Variants in ODAD2 observed in about 807,000 individuals in gnomAD.
ODAD2 encodes outer dynein arm-docking complex subunit 2.
Under a neutral mutation model 106.8 loss-of-function variants are expected in ODAD2, and 89 were observed. That is an observed-to-expected ratio of 0.83 (90% CI 0.70 to 0.99). The LOEUF (loss-of-function observed/expected upper bound fraction) is 0.99, where lower values mean the gene tolerates loss of function less well. Among genes scored for constraint, ODAD2 ranks in the 50% least tolerant of loss-of-function variants. ODAD2 has a pLI of 0.00. For synonymous variants in ODAD2, 404 were observed against 436.2 expected (o/e 0.93, Z 0.92); for missense variants, 1,168 against 1,238.5 (o/e 0.94, Z 0.85).
chr10:27,907,850 A>AT, intron 16 of ODAD2, 73 bp from the exon 17 acceptor site: 1 of 1,004,622 alleles, frequency 1.0e-6, no homozygotes, highest in Non-Finnish European at 1.5e-6. Context: ...TGACCCACTT[A>AT]TTTAATTATT....
At position 27,910,846 on chromosome 10, in the gene ODAD2, CT is replaced by C. The variant is rs1442047376; in HGVS notation, c.2496-3070del. Among the ~76,000 whole-genome samples the C allele has an allele frequency of 6.6e-5, 10 of 152,264 alleles. No homozygotes were observed. The East Asian group carries it at 1.9e-3, about 29-fold the overall frequency. On this transcript the variant is annotated intron_variant, in intron 16 of 19. Coordinates refer to ENST00000305242, the MANE Select transcript of ODAD2 (RefSeq NM_018076.5). Reference sequence around the variant, plus strand: ...TATGTTCTATCAAGTCAGTGCAAACCTTTGATGAACAAATAGTGAACTACCC... The same window carrying C: ...TATGTTCTATCAAGTCAGTGCAAACCTTGATGAACAAATAGTGAACTACCC...
chr10:27,964,657 C>G (rs1046795013), intron 9 of ODAD2, among the ~76,000 whole-genome samples: 1 of 152,160 alleles, frequency 6.6e-6, no homozygotes, highest in Non-Finnish European at 1.5e-5. Flanking sequence ...AGGTTTTTGT[C>G]TTTACCTCGA....
intron 18 of ODAD2, 123 bp from the exon 19 acceptor site, chr10:27,860,969 G>A (rs958907791): frequency 3.9e-6 from 3 of 770,302 alleles, no homozygotes; most frequent in Non-Finnish European, 6.4e-6. Flanking sequence ...GGGCTAGCTG[G>A]CTGACTACCT....
intron 10 of ODAD2, chr10:27,957,051 C>A (rs1847785477): frequency 6.6e-6 from 1 of 152,118 alleles, no homozygotes. Context: ...AGCCTAGAGA[C>A]ATTAACAAAC....
chr10:27,979,775 G>C (rs1849428704), intron 7 of ODAD2, among the ~76,000 whole-genome samples: 1 of 152,128 alleles, frequency 6.6e-6, no homozygotes, highest in African/African-American at 2.4e-5. Context: ...ATATGGTTAA[G>C]ATGGCAATAC....
chr10:27,930,653 G>C (rs911244904), intron 16 of ODAD2, among the ~76,000 whole-genome samples: 6 of 150,672 alleles, frequency 4.0e-5, no homozygotes, highest in Non-Finnish European at 8.9e-5. Flanking sequence ...AAAAGAAAAA[G>C]GCAAACAAAA....
chr10:27,974,621 G>A (rs532502824), intron 7 of ODAD2, among the ~76,000 whole-genome samples: 6 of 150,470 alleles, frequency 4.0e-5, no homozygotes, highest in East Asian at 1.9e-4. Context: ...ATGTTGTTTC[G>A]GTTACTGTAG....
intron 17 of ODAD2, among the ~76,000 whole-genome samples, chr10:27,882,234 A>AAAGAAAGAAAGC (rs1564461626): frequency 1.4e-5 from 2 of 144,892 alleles, no homozygotes; most frequent in African/African-American, 4.9e-5. Context: ...AGAAAGAAAG[A>AAAGAAAGAAAGC]AATATGAACT....
At chr10:27,910,013 A>G (rs562965347) in intron 16 of ODAD2, among the ~76,000 whole-genome samples, 1 of 152,180 alleles carries the variant, frequency 6.6e-6, no homozygotes, top group African/African-American at 2.4e-5. Flanking sequence ...TTACTTCACA[A>G]TGACTCAAGT....
intron 19 of ODAD2, among the ~76,000 whole-genome samples, chr10:27,825,329 C>T (rs867128667): frequency 3.5e-4 from 53 of 152,146 alleles, no homozygotes; most frequent in African/African-American, 1.1e-3. Context: ...TGCAGCCTAG[C>T]GAAAACAAAA....
Position 27,995,158 on chromosome 10 carries a change from C to G in ODAD2, c.-16G>C, listed in dbSNP as rs770097987. ...CCACACCCATGGGATCCACCGTGCT[C>G]AGACCTGAGCTTAGCACACGCACTA... is the stretch of plus-strand genomic sequence containing the variant. On this transcript the variant is annotated 5_prime_UTR_variant, in exon 2 of 20. Coordinates refer to ENST00000305242, the MANE Select transcript of ODAD2 (RefSeq NM_018076.5). 1.2e-5 allele frequency: 20 copies of G among 1,613,960 alleles called. No individual in the cohort carries two copies. The highest frequency in any genetic ancestry group is 1.7e-5 in the Non-Finnish European group (20 of 1,179,928).
intron 17 of ODAD2, among the ~76,000 whole-genome samples, chr10:27,894,410 G>A (rs974851259): frequency 2.6e-5 from 4 of 151,400 alleles, no homozygotes; most frequent in Admixed American, 6.6e-5. Flanking sequence ...GCAGTTGATC[G>A]TAAAATAAAC....
chr10:27,951,284 C>G (rs1847309952), intron 10 of ODAD2, among the ~76,000 whole-genome samples: 1 of 152,080 alleles, frequency 6.6e-6, no homozygotes, highest in Non-Finnish European at 1.5e-5. Flanking sequence ...TAAAGATGAT[C>G]TAGAATGAAA....
intron 11 of ODAD2, 96 bp from the exon 12 acceptor site, chr10:27,944,527 T>G: frequency 8.7e-7 from 1 of 1,147,902 alleles, no homozygotes; most frequent in Non-Finnish European, 1.2e-6. Flanking sequence ...CAGTTAAGTT[T>G]TTTAAGAAAT....
intron 17 of ODAD2, among the ~76,000 whole-genome samples, chr10:27,872,887 G>A (rs1841016205): frequency 6.6e-6 from 1 of 152,140 alleles, no homozygotes. Context: ...AGTTAGAGAG[G>A]ATTCCCTCTT....
chr10:27,941,478 C>T lies in ODAD2; in HGVS notation c.1744-673G>A, dbSNP rs150866608. ...CCAGCCTGGGCAACAAAGCAAGATC[C>T]TGCCCCCCGAACCAAAAAAAAGAAA... On this transcript the variant is annotated intron_variant, in intron 12 of 19. Transcript: ENST00000305242. Among the ~76,000 whole-genome samples, 19 of 144,736 alleles carry T rather than the reference C, an allele frequency of 1.3e-4. No individual in the cohort carries two copies. In the East Asian group the frequency reaches 3.3e-3, roughly 25 times the overall value. The allele number at this position is 144,736 out of a possible 152,430, so 95.0% of individuals were successfully genotyped here.
intron 16 of ODAD2, among the ~76,000 whole-genome samples, chr10:27,908,763 G>A (rs79015389): frequency 2.6e-5 from 4 of 151,630 alleles, no homozygotes; most frequent in Admixed American, 2.0e-4. Flanking sequence ...TACCAGGGGG[G>A]AAAAATGTAT....
chr10:27,975,595 A>T (rs1849139035), intron 7 of ODAD2, among the ~76,000 whole-genome samples: 1 of 152,196 alleles, frequency 6.6e-6, no homozygotes, highest in Non-Finnish European at 1.5e-5. Flanking sequence ...AGAAACAGAC[A>T]ACCTGTATAC....
At chr10:27,909,850 A>T (rs1396981888) in intron 16 of ODAD2, among the ~76,000 whole-genome samples, 1 of 150,252 alleles carries the variant, frequency 6.7e-6, no homozygotes. Context: ...AAAGACTCAG[A>T]ACACTACGGA....
Sources: gnomAD v4.1 joint callset for allele counts (sites outside exome capture counted in the v4.1 genomes callset) on GRCh38, gnomAD v4.1.1 for gene constraint, MANE v1.5 for transcripts, NCBI Gene and HGNC (gene_info 2026-07-23, HGNC 2026-07-21) for gene names.